ROR1: variants seen among roughly 807,000 people sequenced by gnomAD.
ROR1 encodes ROR family WNT receptor 1, also known as inactive tyrosine-protein kinase transmembrane receptor ROR1.
In ROR1, 19 loss-of-function variants were observed where a neutral mutation model predicts 78.8. The ratio of observed to expected loss-of-function variants is 0.24; its 90% CI spans 0.17 to 0.35. The LOEUF is 0.35. ROR1 is among the 10% of genes least tolerant of loss of function. The pLI, the probability that ROR1 is intolerant of heterozygous loss-of-function variation, is 1.00. For missense variants in ROR1, 917 were observed against 1,177.8 expected (o/e 0.78, Z 3.24); for synonymous variants, 386 against 433.6 (o/e 0.89, Z 1.36).
intron 4 of ROR1, among the ~76,000 whole-genome samples, chr1:64,071,586 CACACACACACACAG>C (rs1283379959): frequency 8.9e-6 from 1 of 112,394 alleles, no homozygotes; most frequent in East Asian, 2.2e-4. Flanking sequence ...CACACAGACA[CACACACACACACAG>C]ACACACACAC....
intron 1 of ROR1, among the ~76,000 whole-genome samples, chr1:63,907,165 C>T (rs1296403449): frequency 6.6e-6 from 1 of 152,190 alleles, no homozygotes; most frequent in Non-Finnish European, 1.5e-5. Flanking sequence ...GAATATCTGT[C>T]GTATCTCAGA....
chr1:64,007,228 A>T (rs947509232), intron 1 of ROR1, among the ~76,000 whole-genome samples: 1 of 152,210 alleles, frequency 6.6e-6, no homozygotes, highest in Admixed American at 6.5e-5. Flanking sequence ...GACAGATCCC[A>T]GGCTTAACAG....
At chr1:64,013,934 C>T (rs1646497558) in intron 2 of ROR1, among the ~76,000 whole-genome samples, 1 of 152,206 alleles carries the variant, frequency 6.6e-6, no homozygotes, top group South Asian at 2.1e-4. Context: ...TAAATGCCTA[C>T]CAGGCGTGAG....
chr1:64,077,065 G>A (rs1247096759), intron 4 of ROR1, among the ~76,000 whole-genome samples: 1 of 152,082 alleles, frequency 6.6e-6, no homozygotes, highest in Non-Finnish European at 1.5e-5. Context: ...GGCTGTTATA[G>A]GGGAAAAAGA....
intron 1 of ROR1, among the ~76,000 whole-genome samples, chr1:63,821,756 G>A (rs947588165): frequency 1.3e-5 from 2 of 152,222 alleles, no homozygotes; most frequent in African/African-American, 4.8e-5. Context: ...TGAACAGGCA[G>A]CTTCAGCCGT....
chr1:63,882,325 C>T (rs939956368), intron 1 of ROR1, among the ~76,000 whole-genome samples: 1 of 152,118 alleles, frequency 6.6e-6, no homozygotes, highest in South Asian at 2.1e-4. Context: ...TAAAAAAATA[C>T]CGATCCTTGA....
chr1:63,859,872 A>G (rs1240922782), intron 1 of ROR1, among the ~76,000 whole-genome samples: 1 of 152,202 alleles, frequency 6.6e-6, no homozygotes, highest in Non-Finnish European at 1.5e-5. Context: ...GCAAAGTGTC[A>G]TTGTTAATTA....
At chr1:63,842,669 C>T (rs1053065703) in intron 1 of ROR1, among the ~76,000 whole-genome samples, 1 of 151,144 alleles carries the variant, frequency 6.6e-6, no homozygotes, top group Non-Finnish European at 1.5e-5. Flanking sequence ...TGCATCTGTT[C>T]CCTTTGCTCC....
intron 2 of ROR1, among the ~76,000 whole-genome samples, chr1:64,028,701 A>T (rs1185408259): frequency 1.3e-5 from 2 of 152,204 alleles, no homozygotes; most frequent in East Asian, 3.8e-4. Context: ...AGTTTTTGAG[A>T]TATTTTGGTA....
intron 4 of ROR1, among the ~76,000 whole-genome samples, chr1:64,063,174 A>C (rs1478500674): frequency 1.3e-5 from 2 of 152,208 alleles, no homozygotes; most frequent in African/African-American, 4.8e-5. Flanking sequence ...AATTGTGGGA[A>C]AGTGACTAGA....
At chr1:64,006,841 C>T (rs1479701159) in intron 1 of ROR1, among the ~76,000 whole-genome samples, 1 of 152,180 alleles carries the variant, frequency 6.6e-6, no homozygotes, top group African/African-American at 2.4e-5. Context: ...ATCCTTTTGT[C>T]TCTGCTGTGG....
intron 1 of ROR1, among the ~76,000 whole-genome samples, chr1:63,861,950 A>C (rs1050486647): frequency 2.0e-5 from 3 of 152,224 alleles, no homozygotes; most frequent in Non-Finnish European, 4.4e-5. Context: ...TAAAATAAAA[A>C]ATGGCATATT....
intron 8 of ROR1, among the ~76,000 whole-genome samples, chr1:64,159,799 A>G (rs570850315): frequency 6.6e-6 from 1 of 152,226 alleles, no homozygotes; most frequent in South Asian, 2.1e-4. Context: ...ATGATAACCA[A>G]CCTTAGCCTT....
At chr1:63,894,002 CT>C (rs1645420657) in intron 1 of ROR1, among the ~76,000 whole-genome samples, 1 of 152,008 alleles carries the variant, frequency 6.6e-6, no homozygotes, top group South Asian at 2.1e-4. Context: ...TACCTTATCA[CT>C]TTATAGTTTA....
Position 63,949,316 on chromosome 1 carries a change from A to G in ROR1, c.92-59989A>G, listed in dbSNP as rs531542220. Among the ~76,000 whole-genome samples, 23 of 152,098 alleles carry G rather than the reference A, an allele frequency of 1.5e-4. No homozygotes were observed. The East Asian group carries it at 4.4e-3, about 29-fold the overall frequency. ...CTTACCAATGACTTTCTTTTTTCCCACTCCATTCCCCACCCCCCAGAGAAG... is the reference window on the plus strand; with the variant it reads ...CTTACCAATGACTTTCTTTTTTCCCGCTCCATTCCCCACCCCCCAGAGAAG... On this transcript the variant is annotated intron_variant, in intron 1 of 8. Transcript: ENST00000371079.
intron 1 of ROR1, among the ~76,000 whole-genome samples, chr1:63,813,663 G>A (rs933874670): frequency 6.6e-6 from 1 of 152,136 alleles, no homozygotes; most frequent in Non-Finnish European, 1.5e-5. Flanking sequence ...CTGAGTGAAT[G>A]GCCCATTGAA....
At chr1:63,948,157 G>C (rs892829842) in intron 1 of ROR1, among the ~76,000 whole-genome samples, 1 of 152,080 alleles carries the variant, frequency 6.6e-6, no homozygotes, top group Non-Finnish European at 1.5e-5. Context: ...TTCTAGACCT[G>C]TGCAAGTTGA....
intron 1 of ROR1, among the ~76,000 whole-genome samples, chr1:63,870,582 AT>A: frequency 6.6e-6 from 1 of 152,288 alleles, no homozygotes; most frequent in South Asian, 2.1e-4. Flanking sequence ...GTGGGTATAT[AT>A]TAATAGTAAC....
intron 1 of ROR1, among the ~76,000 whole-genome samples, chr1:63,971,575 C>T (rs1395639988): frequency 6.6e-6 from 1 of 152,082 alleles, no homozygotes; most frequent in African/African-American, 2.4e-5. Flanking sequence ...ATATGTATTA[C>T]TCAGAAAGAT....
Sources: gnomAD v4.1 joint callset for allele counts (sites outside exome capture counted in the v4.1 genomes callset) on GRCh38, gnomAD v4.1.1 for gene constraint, MANE v1.5 for transcripts, NCBI Gene and HGNC (gene_info 2026-07-23, HGNC 2026-07-21) for gene names.